CNTN2: variants seen among roughly 807,000 people sequenced by gnomAD.
CNTN2 encodes the protein contactin-2.
In CNTN2, 53 loss-of-function variants were observed where a neutral mutation model predicts 117.5. That is an observed-to-expected ratio of 0.45 (90% CI 0.36 to 0.57). The LOEUF (loss-of-function observed/expected upper bound fraction) is 0.57, where lower values mean the gene tolerates loss of function less well. Among genes scored for constraint, CNTN2 ranks in the 20% least tolerant of loss-of-function variants. The pLI, the probability that CNTN2 is intolerant of heterozygous loss-of-function variation, is 0.00. For missense variants in CNTN2, 1,106 were observed against 1,404.3 expected, an observed-to-expected ratio of 0.79 and a Z score of 3.39; for synonymous variants, 530 against 561.7, an observed-to-expected ratio of 0.94 and a Z score of 0.80.
Position 205,061,453 on chromosome 1 carries a change from C to G in CNTN2, c.973+33C>G. 6.5e-7 allele frequency: 1 copy of G among 1,541,562 alleles called. No individual in the cohort carries two copies. The highest frequency in any genetic ancestry group is 8.8e-7 in the Non-Finnish European group (1 of 1,138,152). ...GCCAGGGACACCTTCTCCGCCCCTC[C>G]CGACCCCCCTTCCCGCCTTCACCCT... On this transcript the variant is annotated intron_variant, in intron 8 of 22. Coordinates refer to ENST00000331830, the MANE Select transcript of CNTN2 (RefSeq NM_005076.5). This position sits in a 1 kb window ranked among gnomAD's most constrained non-coding sequence, Gnocchi z 4.8.
Position 205,070,064 on chromosome 1 carries a change from G to T in CNTN2, c.2431+3G>T. 6.2e-7 allele frequency: 1 copy of T among 1,613,300 alleles called. No individual in the cohort carries two copies. The highest frequency in any genetic ancestry group is 1.1e-5 in the South Asian group (1 of 91,074). On this transcript the variant is annotated splice_donor_region_variant and intron_variant, in intron 18 of 22. Transcript: ENST00000331830. ...ACTCGTGTACTCAGCTGAGGAAGGTGGGCTGCCCCTGGGCCCCCTGCTCGT... is the reference window on the plus strand; with the variant it reads ...ACTCGTGTACTCAGCTGAGGAAGGTTGGCTGCCCCTGGGCCCCCTGCTCGT...
chr1:205,049,056 G>A (rs1421275239), intron 1 of CNTN2, among the ~76,000 whole-genome samples: 2 of 151,790 alleles, frequency 1.3e-5, no homozygotes, highest in Admixed American at 1.3e-4. Context: ...GGTGCTCCTG[G>A]ATCCCAGCCC....
chr1:205,061,871 C>T lies in CNTN2; in HGVS notation c.980C>T (p.Pro327Leu), dbSNP rs1352483722. The change falls in exon 9 of 23, where the codon CCT (proline) becomes CTT (leucine). Residue 327 changes from proline to leucine, a missense_variant. Transcript: ENST00000331830. This position sits in a 1 kb window ranked among gnomAD's most constrained non-coding sequence, Gnocchi z 4.8. ...CTTTTCCGGGCTCCCACAGCTCAGC[C>T]TGAGTGGCTAAAAGTGATCTCGGAC... ...VQGRIIVQAQ[P>L]EWLKVISDTE... 1.3e-6 allele frequency: 2 copies of T among 1,541,456 alleles called. No individual in the cohort carries two copies. The highest frequency in any genetic ancestry group is 1.8e-6 in the Non-Finnish European group (2 of 1,142,116).
chr1:205,058,444 AG>A lies in CNTN2; in HGVS notation c.391+89del, dbSNP rs1440456178. On this transcript the variant is annotated intron_variant, in intron 4 of 22. Transcript: ENST00000331830. This position sits in a 1 kb window ranked among gnomAD's most constrained non-coding sequence, Gnocchi z 4.3. ...TGAGAAAGGATAAGGGACACCCTCA[AG>A]CCGGGCCTTCCTGACCTCACATGAC... is the stretch of plus-strand genomic sequence containing the variant. The A allele has an allele frequency of 7.1e-6, 11 of 1,541,664 alleles. No individual in the cohort carries two copies. In the Admixed American group the frequency reaches 1.8e-4, roughly 25 times the overall value.
Position 205,066,640 on chromosome 1 carries a change from G to C in CNTN2, c.1975+41G>C, listed in dbSNP as rs571788243. 8.1e-6 allele frequency: 13 copies of C among 1,606,148 alleles called. No individual in the cohort carries two copies. In the South Asian group the frequency reaches 1.3e-4, roughly 17 times the overall value. On this transcript the variant is annotated intron_variant, in intron 15 of 22. Transcript: ENST00000331830. ...ACCTGGGTCAGTGCTGATAAGGCTCGACTGGGTGTAGGAGGTGGAAAGGGT... is the reference window on the plus strand; with the variant it reads ...ACCTGGGTCAGTGCTGATAAGGCTCCACTGGGTGTAGGAGGTGGAAAGGGT...
Position 205,066,548 on chromosome 1 carries a change from A to G in CNTN2, c.1924A>G (p.Thr642Ala). The G allele has an allele frequency of 6.2e-7, 1 of 1,613,928 alleles. No homozygotes were observed. The highest frequency in any genetic ancestry group is 1.3e-5 in the African/African-American group (1 of 74,994). Reference protein sequence around the residue: ...FDNHSPIAKYTLQARTPPAGK... With the variant: ...FDNHSPIAKYALQARTPPAGK... ...CAACCACAGCCCCATCGCTAAGTAC[A>G]CCCTGCAAGCTCGCACTCCACCTGC... Residue 642 changes from threonine to alanine, a missense_variant, in exon 15 of 23, where the codon ACC (threonine) becomes GCC (alanine). Thr to Ala is a moderately conservative substitution (Grantham distance 58). Transcript: ENST00000331830.
chr1:205,070,624 C>T (rs911679284), intron 19 of CNTN2, 86 bp downstream of exon 19: 1 of 899,734 alleles, frequency 1.1e-6, no homozygotes, highest in African/African-American at 1.7e-5. Context: ...ACTAATCATT[C>T]CTCCTGGCGT....
intron 2 of CNTN2, among the ~76,000 whole-genome samples, chr1:205,056,290 C>T (rs1001050302): frequency 5.9e-5 from 9 of 152,206 alleles, no homozygotes; most frequent in African/African-American, 2.2e-4. Context: ...TTTGCCTCCC[C>T]TCCCAGCAGT....
In CNTN2 at chr1:205,059,449, C is replaced by T; in HGVS notation, c.698-134C>T. On this transcript the variant is annotated intron_variant, in intron 6 of 22. Coordinates refer to ENST00000331830, the MANE Select transcript of CNTN2 (RefSeq NM_005076.5). This position sits in a 1 kb window ranked among gnomAD's most constrained non-coding sequence, Gnocchi z 5.6. ...TCCTCCTGCTTCAAATCCTGAGGCC[C>T]TTGCCCCAGGCCTCAAGGAGATTCC... 8.5e-7 allele frequency: 1 copy of T among 1,170,980 alleles called. No homozygotes were observed. The highest frequency in any genetic ancestry group is 1.2e-6 in the Non-Finnish European group (1 of 801,154). The allele number at this position is 1,170,980 out of a possible 1,614,324, so 72.5% of individuals were successfully genotyped here.
rs143379833 is a variant in CNTN2, at chr1:205,059,133, G to A, written c.537G>A (p.Thr179=). The A allele has an allele frequency of 6.2e-6, 10 of 1,614,178 alleles. No homozygotes were observed. Among genetic ancestry groups the A allele is most frequent in the African/African-American group, 4.0e-5 (3 of 75,046 alleles). ...ACGAGTTCCCCAACTTCATCCCGAC[G>A]GACGGGCGTCACTTCGTGTCCCAGA... The part of the protein sequence containing the change: ...LLNEFPNFIP[T]DGRHFVSQTT... The change falls in exon 6 of 23, where the codon ACG becomes ACA. Residue 179 remains threonine (T), a synonymous_variant. Transcript: ENST00000331830. The surrounding 1 kb of genome is among the most constrained non-coding windows in gnomAD (Gnocchi z 5.6).
In CNTN2 at chr1:205,076,181, T is replaced by C. The variant is rs1654855219; in HGVS notation, c.*2416T>C. On this transcript the variant is annotated 3_prime_UTR_variant, in exon 23 of 23. Coordinates refer to ENST00000331830, the MANE Select transcript of CNTN2 (RefSeq NM_005076.5). ...CGAAGGGTTTTTAGCCAGGGAAAAC[T>C]GAGCCCCAGGAAAACCTAACCACTG... The C allele has an allele frequency of 6.6e-6, 1 of 152,180 alleles. No individual in the cohort carries two copies. Among genetic ancestry groups the C allele is most frequent in the African/African-American group, 2.4e-5 (1 of 41,432 alleles). The allele number at this position is 152,180 out of a possible 1,614,324, so 9.4% of individuals were successfully genotyped here.
chr1:205,068,956 C>T (rs1654441009), intron 16 of CNTN2: 1 of 152,276 alleles, frequency 6.6e-6, no homozygotes, highest in African/African-American at 2.4e-5. Flanking sequence ...AAATCTGCAA[C>T]AAAAAGAAAA....
Position 205,062,666 on chromosome 1 carries a change from C to A in CNTN2, c.1240+97C>A, listed in dbSNP as rs1266689067. On this transcript the variant is annotated intron_variant, in intron 10 of 22. Transcript: ENST00000331830. ...GTGTTTCCAAACACACATGCACATA[C>A]CCTGTGGCCATTTTCCTTGGTTTTC... 4 of 1,367,188 alleles carry A rather than the reference C, an allele frequency of 2.9e-6. No individual in the cohort carries two copies. In the East Asian group the frequency reaches 1.0e-4, roughly 36 times the overall value. The allele number at this position is 1,367,188 out of a possible 1,614,324, so 84.7% of individuals were successfully genotyped here.
chr1:205,067,242 G>A lies in CNTN2; in HGVS notation c.2117G>A (p.Arg706Lys), dbSNP rs768769158. 2.5e-6 allele frequency: 4 copies of A among 1,613,068 alleles called. No homozygotes were observed. Among genetic ancestry groups the A allele is most frequent in the East Asian group, 4.5e-5 (2 of 44,866 alleles). Residue 706 changes from arginine to lysine, a missense_variant, in exon 16 of 23, where the codon AGG becomes AAG. Physicochemically the swap from Arg to Lys is conservative, Grantham distance 26 (BLOSUM62 2). Coordinates refer to ENST00000331830, the MANE Select transcript of CNTN2 (RefSeq NM_005076.5). ...GGGCCCTCCAGCAAAATCCGGACCA[G>A]GGAAGCAGGTGAGAGTCCTGTGTGT... ...PSGPSSKIRT[R>K]EAAPSVAPSG... is the part of the protein sequence containing the mutation.
At chr1:205,049,055 G>A (rs1197664001) in intron 1 of CNTN2, among the ~76,000 whole-genome samples, 3 of 151,860 alleles carry the variant, frequency 2.0e-5, no homozygotes, top group Admixed American at 2.0e-4. Context: ...AGGTGCTCCT[G>A]GATCCCAGCC....
Position 205,061,414 on chromosome 1 carries a change from G to A in CNTN2, c.967G>A (p.Val323Met), listed in dbSNP as rs369483636. The A allele has an allele frequency of 3.7e-5, 59 of 1,609,492 alleles. No homozygotes were observed. The highest frequency in any genetic ancestry group is 4.4e-5 in the Non-Finnish European group (52 of 1,177,936). The change falls in exon 8 of 23, where the codon GTG becomes ATG. Residue 323 changes from valine to methionine, a missense_variant. Val to Met is a conservative substitution (Grantham distance 21). Transcript: ENST00000331830. The surrounding 1 kb of genome is among the most constrained non-coding windows in gnomAD (Gnocchi z 4.8). ...AGACACCGTGCAGGGCCGCATCATC[G>A]TGCAGGGTACAGAGCCAGGGACACC... ...GRDTVQGRIIVQAQPEWLKVI... is the reference protein window; with the variant it reads ...GRDTVQGRIIMQAQPEWLKVI...
Position 205,053,215 on chromosome 1 carries a change from C to A in CNTN2, c.30C>A (p.His10Gln). Residue 10 changes from histidine to glutamine, a missense_variant, in exon 2 of 23, where the codon CAC (histidine) becomes CAA (glutamine). Coordinates refer to ENST00000331830, the MANE Select transcript of CNTN2 (RefSeq NM_005076.5). ...GGACAGCCACCAGGAGGAAGCCACA[C>A]CTGCTGCTGGTAGCTGCTGTGGCCC... MGTATRRKP[H>Q]LLLVAAVALV... The A allele has an allele frequency of 6.2e-7, 1 of 1,613,158 alleles. No individual in the cohort carries two copies. Among genetic ancestry groups the A allele is most frequent in the Non-Finnish European group, 8.5e-7 (1 of 1,179,578 alleles).
chr1:205,051,800 C>G (rs2096453449), intron 1 of CNTN2, among the ~76,000 whole-genome samples: 1 of 152,176 alleles, frequency 6.6e-6, no homozygotes, highest in Non-Finnish European at 1.5e-5. Flanking sequence ...GGTTTGGGAG[C>G]TCTCTTCCTG....
In CNTN2 at chr1:205,073,108, A is replaced by G. The variant is rs1483421220; in HGVS notation, c.2885A>G (p.His962Arg). The G allele has an allele frequency of 6.2e-7, 1 of 1,614,090 alleles. No homozygotes were observed. Among genetic ancestry groups the G allele is most frequent in the Admixed American group, 1.7e-5 (1 of 60,020 alleles). ...GACTTACACCTGACTCCCACGCTCC[A>G]CCTCACCGGCAAGAACTGGATAGAA... The part of the protein sequence containing the change: ...QNDLHLTPTL[H>R]LTGKNWIEIP... Residue 962 changes from histidine to arginine, a missense_variant, in exon 22 of 23, where the codon CAC becomes CGC. By Grantham distance (29) the His-to-Arg change is conservative (BLOSUM62 0). Coordinates refer to ENST00000331830, the MANE Select transcript of CNTN2 (RefSeq NM_005076.5). This position sits in a 1 kb window ranked among gnomAD's most constrained non-coding sequence, Gnocchi z 6.3.
Sources: gnomAD v4.1 joint callset for allele counts (sites outside exome capture counted in the v4.1 genomes callset) on GRCh38, gnomAD v4.1.1 for gene constraint, Gnocchi (gnomAD v3.1) non-coding constraint, MANE v1.5 for transcripts, NCBI Gene and HGNC (gene_info 2026-07-23, HGNC 2026-07-21) for gene names.